The following C3orf49 variants were observed in gnomAD, a reference collection of about 807,000 sequenced individuals.
The protein encoded by C3orf49 is putative uncharacterized protein C3orf49.
Under a neutral mutation model 13.3 loss-of-function variants are expected in C3orf49, and 27 were observed. The ratio of observed to expected loss-of-function variants is 2.02; its 90% CI spans 1.49 to 2.79. C3orf49 has a LOEUF of 2.79. Among genes scored for constraint, C3orf49 ranks in the 30% most tolerant of loss-of-function variants. C3orf49 has a pLI of 0.00. For missense variants in C3orf49, 242 were observed against 134.2 expected (o/e 1.80, Z -3.97); for synonymous variants, 87 against 47.6 (o/e 1.83, Z -3.40).
chr3:63,847,306 T>A (rs927423573), intron 6 of C3orf49, among the ~76,000 whole-genome samples: 3 of 152,236 alleles, frequency 2.0e-5, no homozygotes, highest in Admixed American at 6.5e-5. Context: ...TTTAATGAAC[T>A]CTCATCAGGT....
chr3:63,807,857 CAA>C, the C3orf49 span, among the ~76,000 whole-genome samples: 3,902 of 31,928 alleles, frequency 0.12, 40 homozygotes, highest in African/African-American at 0.23. Flanking sequence ...AACTTCATCT[CAA>C]AAAAAAAAAA....
chr3:63,846,054 T>A, intron 6 of C3orf49: 2 of 225,648 alleles, frequency 8.9e-6, no homozygotes, highest in South Asian at 4.5e-5. Flanking sequence ...TTTAAAAAGA[T>A]TCACTGTAAA....
At chr3:63,812,709 A>T in the C3orf49 span, among the ~76,000 whole-genome samples, 2 of 152,206 alleles carry the variant, frequency 1.3e-5, no homozygotes, top group Non-Finnish European at 2.9e-5. Flanking sequence ...TCATGCCATA[A>T]TGAGAGAAAA....
rs1262665647 is a variant in C3orf49 at position 63,836,261 on chromosome 3, A to G, written c.849+4417A>G. 2.5e-6 allele frequency: 4 copies of G among 1,587,398 alleles called. No individual in the cohort carries two copies. The South Asian group carries it at 3.5e-5, about 14-fold the overall frequency. On this transcript the variant is annotated intron_variant, in intron 5 of 6. Coordinates refer to ENST00000295896, the MANE Select transcript of C3orf49 (RefSeq NM_001355236.2). Reference sequence around the variant, plus strand: ...TACGGTAGTTTTCGAGCATTTATGTATAAAGGTTAGTTCCTTTCAAAGTAA... The same window carrying G: ...TACGGTAGTTTTCGAGCATTTATGTGTAAAGGTTAGTTCCTTTCAAAGTAA...
At chr3:63,804,708 C>T in the C3orf49 span, among the ~76,000 whole-genome samples, 4 of 152,064 alleles carry the variant, frequency 2.6e-5, no homozygotes, top group Admixed American at 1.3e-4. Flanking sequence ...ATGTAATTGC[C>T]ATTGAAAGTA....
intron 2 of C3orf49, among the ~76,000 whole-genome samples, chr3:63,824,350 T>C (rs1216397598): frequency 1.3e-5 from 2 of 152,162 alleles, no homozygotes; most frequent in Non-Finnish European, 2.9e-5. Context: ...ATGAATAAAA[T>C]GTATAACTGG....
At chr3:63,824,652 A>G (rs368925009) in intron 2 of C3orf49, among the ~76,000 whole-genome samples, 2 of 152,160 alleles carry the variant, frequency 1.3e-5, no homozygotes, top group East Asian at 3.9e-4. Flanking sequence ...AAGCCTGGGC[A>G]ATATGGTGAA....
intron 5 of C3orf49, among the ~76,000 whole-genome samples, chr3:63,843,178 G>T (rs1701804769): frequency 6.6e-6 from 1 of 152,016 alleles, no homozygotes; most frequent in Admixed American, 6.6e-5. Context: ...GAGTACAGTG[G>T]CATGATCTCG....
In C3orf49 at chr3:63,830,122, T is replaced by A. The variant is rs143420098; in HGVS notation, c.571-988T>A. Among the ~76,000 whole-genome samples, 1,294 of 152,346 alleles carry A rather than the reference T, an allele frequency of 8.5e-3. 19 individuals are homozygous for A. Among genetic ancestry groups the A allele is most frequent in the African/African-American group, 0.027 (1,137 of 41,574 alleles). On this transcript the variant is annotated intron_variant, in intron 3 of 6. Coordinates refer to ENST00000295896, the MANE Select transcript of C3orf49 (RefSeq NM_001355236.2). ...ACAAACAGGAGCTGCGCCAGGGTAC[T>A]GCAGAAGGTGTGGTCTCTTCAGTCC... is the stretch of plus-strand genomic sequence containing the variant.
At chr3:63,785,623 C>T in the C3orf49 span, among the ~76,000 whole-genome samples, 1 of 152,072 alleles carries the variant, frequency 6.6e-6, no homozygotes, top group Non-Finnish European at 1.5e-5. Flanking sequence ...CATGTGTGTG[C>T]ATTAACTTTT....
Position 63,827,671 on chromosome 3 carries a change from C to G in C3orf49, c.516C>G (p.Ala172=), listed in dbSNP as rs1174519221. ...CCCAGGGAAACACACTCCTTCGGGC[C>G]AGGAGAACCACCAAGCGGTTATCTG... ...EITQGNTLLR[A]RRTTKRLSVT... The change falls in exon 3 of 7, where the codon GCC becomes GCG. Residue 172 remains alanine (A), a synonymous_variant. Coordinates refer to ENST00000295896, the MANE Select transcript of C3orf49 (RefSeq NM_001355236.2). 1.4e-6 allele frequency: 1 copy of G among 703,136 alleles called. No homozygotes were observed. The highest frequency in any genetic ancestry group is 1.7e-5 in the African/African-American group (1 of 57,348). 43.6% of individuals were successfully genotyped at this position (703,136 alleles called of 1,614,324 possible). A position where few individuals can be genotyped will look rare whatever the true frequency, so the allele number is the denominator to read the frequency against.
chr3:63,844,804 G>A (rs1225145358), intron 5 of C3orf49, among the ~76,000 whole-genome samples: 2 of 152,094 alleles, frequency 1.3e-5, no homozygotes, highest in African/African-American at 2.4e-5. Flanking sequence ...CCACCCTCTA[G>A]AACCATAAGT....
At chr3:63,841,197 A>G (rs968325996) in intron 5 of C3orf49, among the ~76,000 whole-genome samples, 4 of 152,222 alleles carry the variant, frequency 2.6e-5, no homozygotes, top group Non-Finnish European at 5.9e-5. Flanking sequence ...ATATGTGTGG[A>G]AAAAGGAGGC....
intron 5 of C3orf49, chr3:63,838,337 AT>A (rs1701676739): frequency 7.3e-7 from 1 of 1,364,810 alleles, no homozygotes; most frequent in African/African-American, 1.5e-5. Context: ...ACCATAAAAA[AT>A]AAAATTACAG....
intron 6 of C3orf49, among the ~76,000 whole-genome samples, chr3:63,846,663 G>A (rs923696389): frequency 6.6e-6 from 1 of 151,984 alleles, no homozygotes; most frequent in Non-Finnish European, 1.5e-5. Flanking sequence ...CACCCACCTC[G>A]GCCTCCTAAA....
the C3orf49 span, among the ~76,000 whole-genome samples, chr3:63,811,575 C>CAA: frequency 7.5e-6 from 1 of 133,826 alleles, no homozygotes; most frequent in Non-Finnish European, 1.7e-5. Flanking sequence ...AAAAACAAAA[C>CAA]AAAAAAAAAA....
At chr3:63,797,349 T>G in the C3orf49 span, among the ~76,000 whole-genome samples, 2 of 152,086 alleles carry the variant, frequency 1.3e-5, no homozygotes, top group African/African-American at 4.8e-5. Context: ...AGACAAAGAC[T>G]TTTCCTTTGG....
the C3orf49 span, chr3:63,804,921 C>T: frequency 6.6e-6 from 1 of 151,976 alleles, no homozygotes; most frequent in African/African-American, 2.4e-5. Flanking sequence ...TAATAGGATT[C>T]CAAAGAGTGG....
Position 63,846,127 on chromosome 3 carries a change from C to A in C3orf49, c.*30+1045C>A, listed in dbSNP as rs531769076. 144 of 406,674 alleles carry A rather than the reference C, an allele frequency of 3.5e-4. 5 individuals are homozygous for A. Among genetic ancestry groups the A allele is most frequent in the South Asian group, 2.5e-3 (141 of 56,754 alleles). The allele number at this position is 406,674 out of a possible 1,614,324, so 25.2% of individuals were successfully genotyped here. A position where few individuals can be genotyped will look rare whatever the true frequency, so the allele number is the denominator to read the frequency against. Reference sequence around the variant, plus strand: ...ACCAAGGATGGTAAAACTGATGTAACTCCTACTGCCTCTCTCTCTCTTTCT... The same window carrying A: ...ACCAAGGATGGTAAAACTGATGTAAATCCTACTGCCTCTCTCTCTCTTTCT... On this transcript the variant is annotated intron_variant, in intron 6 of 6. Coordinates refer to ENST00000295896, the MANE Select transcript of C3orf49 (RefSeq NM_001355236.2).
Sources: gnomAD v4.1 joint callset for allele counts (sites outside exome capture counted in the v4.1 genomes callset) on GRCh38, gnomAD v4.1.1 for gene constraint, MANE v1.5 for transcripts, NCBI Gene and HGNC (gene_info 2026-07-23, HGNC 2026-07-21) for gene names.